Variants in FAP observed in about 807,000 individuals in gnomAD.
FAP encodes prolyl endopeptidase FAP.
A neutral mutation model predicts 126.5 loss-of-function variants in FAP; 110 were observed. The observed-to-expected ratio is 0.87, with a 90% confidence interval of 0.74 to 1.02. FAP has a LOEUF of 1.02. FAP is among the 50% of genes least tolerant of loss of function. The pLI, the probability that FAP is intolerant of heterozygous loss-of-function variation, is 0.00. For synonymous variants in FAP, 334 were observed against 297.3 expected (o/e 1.12, Z -1.27); for missense variants, 919 against 909.2 (o/e 1.01, Z -0.14).
At chr2:162,238,765 C>T (rs544724252) in intron 2 of FAP, among the ~76,000 whole-genome samples, 1 of 152,118 alleles carries the variant, frequency 6.6e-6, no homozygotes, top group Non-Finnish European at 1.5e-5. Context: ...ATGATTTTAT[C>T]TCACGTATAT....
intron 2 of FAP, among the ~76,000 whole-genome samples, chr2:162,230,860 A>G (rs1205707816): frequency 1.3e-5 from 2 of 152,212 alleles, no homozygotes; most frequent in African/African-American, 4.8e-5. Flanking sequence ...CACTGAATCT[A>G]TTTTGCTCAA....
intron 17 of FAP, among the ~76,000 whole-genome samples, chr2:162,191,037 A>G (rs777331598): frequency 6.6e-6 from 1 of 152,142 alleles, no homozygotes; most frequent in African/African-American, 2.4e-5. Flanking sequence ...TGAATACACA[A>G]TTCTAAGTAC....
intron 17 of FAP, among the ~76,000 whole-genome samples, chr2:162,191,538 A>G (rs1241413373): frequency 6.6e-6 from 1 of 152,138 alleles, no homozygotes; most frequent in Admixed American, 6.6e-5. Flanking sequence ...TACCAAGCAC[A>G]CACAGCACCT....
Position 162,218,003 on chromosome 2 carries a change from T to C in FAP, c.745A>G (p.Asn249Asp), listed in dbSNP as rs776783989. Reference sequence around the variant, plus strand: ...CAACATACCTTTGGGTATGGAATATTTATTGTTCTAGGATATTGTTCATCG... The same window carrying C: ...CAACATACCTTTGGGTATGGAATATCTATTGTTCTAGGATATTGTTCATCG... ...YGDEQYPRTI[N>D]IPYPKAGAKN... Residue 249 changes from asparagine to aspartate, a missense_variant, in exon 9 of 26, where the codon AAT becomes GAT. By Grantham distance (23) the Asn-to-Asp change is conservative. Transcript: ENST00000188790. The C allele has an allele frequency of 5.1e-6, 8 of 1,577,010 alleles. No homozygotes were observed. The Admixed American group carries it at 1.5e-4, about 29-fold the overall frequency.
rs1026453647 is a variant in FAP, at chr2:162,170,936, T to A, written c.*43A>T. ...AAGCAAACTGTCTGAGGGGTTTATA[T>A]AAGGTTTTCAGATTCTGATACAGGC... On this transcript the variant is annotated 3_prime_UTR_variant, in exon 26 of 26. Transcript: ENST00000188790. 1 of 1,459,740 alleles carries A rather than the reference T, an allele frequency of 6.9e-7. No homozygotes were observed. The highest frequency in any genetic ancestry group is 9.6e-7 in the Non-Finnish European group (1 of 1,041,458). The allele number at this position is 1,459,740 out of a possible 1,614,324, so 90.4% of individuals were successfully genotyped here.
intron 3 of FAP, 65 bp downstream of exon 3, chr2:162,226,458 G>C: frequency 1.4e-6 from 1 of 735,220 alleles, no homozygotes; most frequent in Admixed American, 2.6e-5. Flanking sequence ...GAGATGTATT[G>C]GCACTAAAAT....
intron 2 of FAP, among the ~76,000 whole-genome samples, chr2:162,235,538 G>GTAT (rs1690092097): frequency 6.6e-6 from 1 of 152,128 alleles, no homozygotes; most frequent in African/African-American, 2.4e-5. Flanking sequence ...CTGTATCTAG[G>GTAT]CAATAGGTGG....
At position 162,171,060 on chromosome 2, in the gene FAP, G is replaced by A. The variant is rs138589105; in HGVS notation, c.2202C>T (p.His734=). 427 of 1,613,020 alleles carry A rather than the reference G, an allele frequency of 2.6e-4. 1 individual carries two copies. The highest frequency in any genetic ancestry group is 3.3e-4 in the Admixed American group (20 of 59,960). ...FQAMWYSDQN[H]GLSGLSTNHL... ...GGTTCGTGGACAGGCCGGATAAGCC[G>A]TGGTTCTGGTCAGAGTACCACTGAA... Residue 734 remains histidine, a synonymous_variant, in exon 26 of 26, where the codon CAC becomes CAT. Coordinates refer to ENST00000188790, the MANE Select transcript of FAP (RefSeq NM_004460.5).
intron 18 of FAP, 100 bp from the exon 19 acceptor site, chr2:162,189,272 C>A: frequency 1.6e-6 from 1 of 612,456 alleles, no homozygotes. Context: ...CAATTTTCAA[C>A]TACTAAATTG....
At chr2:162,196,889 G>A (rs552220382) in intron 16 of FAP, among the ~76,000 whole-genome samples, 3 of 152,248 alleles carry the variant, frequency 2.0e-5, no homozygotes, top group East Asian at 1.9e-4. Flanking sequence ...CCATACTGCC[G>A]AGGAAGAGTG....
chr2:162,235,747 A>C (rs766514023), intron 2 of FAP, among the ~76,000 whole-genome samples: 2 of 152,066 alleles, frequency 1.3e-5, no homozygotes, highest in Non-Finnish European at 2.9e-5. Context: ...CTCCTTCCAC[A>C]CTGTGGAAGT....
intron 12 of FAP, among the ~76,000 whole-genome samples, chr2:162,203,620 G>T (rs1362106321): frequency 6.6e-6 from 1 of 152,122 alleles, no homozygotes; most frequent in Non-Finnish European, 1.5e-5. Context: ...ATCATGGCTT[G>T]CTAGCCACAG....
Position 162,173,732 on chromosome 2 carries a change from C to G in FAP, c.2025G>C (p.Glu675Asp). The G allele has an allele frequency of 6.3e-7, 1 of 1,598,292 alleles. No homozygotes were observed. The highest frequency in any genetic ancestry group is 1.7e-4 in the Middle Eastern group (1 of 6,024). Residue 675 changes from glutamate to aspartate, a missense_variant, in exon 23 of 26, where the codon GAG becomes GAC. Coordinates refer to ENST00000188790, the MANE Select transcript of FAP (RefSeq NM_004460.5). ...AAATGGAAACACTTACCTTATAGTG[C>G]TCAAGATTATCATCCTTTGTTGGGA... ...MGLPTKDDNL[E>D]HYKNSTVMAR...
At chr2:162,179,812 A>ATATATT (rs1491388012) in intron 21 of FAP, among the ~76,000 whole-genome samples, 4 of 90,548 alleles carry the variant, frequency 4.4e-5, no homozygotes, top group African/African-American at 1.4e-4. Context: ...ATATATATAT[A>ATATATT]TTTTTTTTTT....
intron 12 of FAP, among the ~76,000 whole-genome samples, chr2:162,206,597 T>C (rs564443083): frequency 2.6e-5 from 4 of 152,134 alleles, no homozygotes; most frequent in Non-Finnish European, 5.9e-5. Context: ...TTTAAAATAA[T>C]TGATGTGACT....
At chr2:162,198,977 A>G (rs994002147) in intron 15 of FAP, 96 bp from the exon 16 acceptor site, 1 of 1,006,898 alleles carries the variant, frequency 9.9e-7, no homozygotes, top group East Asian at 2.5e-5. Context: ...ACATATTGAC[A>G]TCAAACCCAC....
chr2:162,221,128 C>T (rs926170484), intron 6 of FAP, among the ~76,000 whole-genome samples: 3 of 152,054 alleles, frequency 2.0e-5, no homozygotes, highest in African/African-American at 7.2e-5. Flanking sequence ...AGAGTGATTC[C>T]CATGGAAAGT....
rs1350260211 is a variant in FAP, at chr2:162,224,454, A to G, written c.360+12T>C. 2.0e-6 allele frequency: 3 copies of G among 1,528,668 alleles called. No individual in the cohort carries two copies. The highest frequency in any genetic ancestry group is 1.4e-5 in the African/African-American group (1 of 72,136). The allele number at this position is 1,528,668 out of a possible 1,614,324, so 94.7% of individuals were successfully genotyped here. On this transcript the variant is annotated intron_variant, in intron 5 of 25. Coordinates refer to ENST00000188790, the MANE Select transcript of FAP (RefSeq NM_004460.5). ...GATACAATTGGATATAACCAAATTAAATAGTTGATACCTTTGAATAATCAC... is the reference window on the plus strand; with the variant it reads ...GATACAATTGGATATAACCAAATTAGATAGTTGATACCTTTGAATAATCAC...
Position 162,199,747 on chromosome 2 carries a change from G to A in FAP, c.1277+819C>T, listed in dbSNP as rs551290881. On this transcript the variant is annotated intron_variant, in intron 15 of 25. Coordinates refer to ENST00000188790, the MANE Select transcript of FAP (RefSeq NM_004460.5). ...AATGGCCAGGCCAGAGACACTGCTG[G>A]ACCCAGAGAGTGATTCTTTTTAACA... Among the ~76,000 whole-genome samples the A allele has an allele frequency of 2.6e-5, 4 of 152,350 alleles. No individual in the cohort carries two copies. In the East Asian group the frequency reaches 5.8e-4, roughly 22 times the overall value.
Sources: gnomAD v4.1 joint callset for allele counts (sites outside exome capture counted in the v4.1 genomes callset) on GRCh38, gnomAD v4.1.1 for gene constraint, MANE v1.5 for transcripts, NCBI Gene and HGNC (gene_info 2026-07-23, HGNC 2026-07-21) for gene names.